Variants in PRKCH observed in about 807,000 individuals in gnomAD.
PRKCH encodes the protein protein kinase C eta, also known as protein kinase C eta type.
In PRKCH, 28 loss-of-function variants were observed where a neutral mutation model predicts 82.5. The observed-to-expected ratio is 0.34, with a 90% CI of 0.25 to 0.47. The LOEUF is 0.47. PRKCH is among the 20% of genes least tolerant of loss of function. The pLI, the probability that PRKCH is intolerant of heterozygous loss-of-function variation, is 1.00. For missense variants in PRKCH, 705 were observed against 881.8 expected, an observed-to-expected ratio of 0.80 and a Z score of 2.54; for synonymous variants, 322 against 327.4, an observed-to-expected ratio of 0.98 and a Z score of 0.18.
intron 2 of PRKCH, among the ~76,000 whole-genome samples, chr14:61,407,474 T>C (rs1046209383): frequency 6.6e-6 from 1 of 152,142 alleles, no homozygotes; most frequent in Non-Finnish European, 1.5e-5. Flanking sequence ...GGGAACTGTA[T>C]TGATTTCCTT....
intron 2 of PRKCH, among the ~76,000 whole-genome samples, chr14:61,408,320 G>T (rs1378968146): frequency 6.6e-6 from 1 of 152,114 alleles, no homozygotes; most frequent in South Asian, 2.1e-4. Flanking sequence ...GTTTGGATCA[G>T]AAGATTAGCC....
rs746909175 is a variant in PRKCH at position 61,530,393 on chromosome 14, C to T, written c.1573-14C>T. 1.3e-6 allele frequency: 2 copies of T among 1,516,782 alleles called. No homozygotes were observed. Among genetic ancestry groups the T allele is most frequent in the South Asian group, 1.3e-5 (1 of 74,914 alleles). The allele number at this position is 1,516,782 out of a possible 1,614,324, so 94.0% of individuals were successfully genotyped here. A position where few individuals can be genotyped will look rare whatever the true frequency, so the allele number is the denominator to read the frequency against. On this transcript the variant is annotated splice_polypyrimidine_tract_variant and intron_variant, in intron 11 of 13. Coordinates refer to ENST00000332981, the MANE Select transcript of PRKCH (RefSeq NM_006255.5). ...ATGTATGAACCACCTTCTCACGCTG[C>T]CCCCTTTGCACAGATCCTCCAGGAA...
intron 10 of PRKCH, among the ~76,000 whole-genome samples, chr14:61,498,604 A>G (rs1050906471): frequency 6.6e-5 from 10 of 152,078 alleles, no homozygotes; most frequent in African/African-American, 1.9e-4. Context: ...GTGCTGGCCA[A>G]TTTGGTTCCT....
At chr14:61,417,507 T>A (rs1395139037) in intron 2 of PRKCH, among the ~76,000 whole-genome samples, 1 of 152,256 alleles carries the variant, frequency 6.6e-6, no homozygotes, top group Non-Finnish European at 1.5e-5. Context: ...TTGTACTTTG[T>A]GTCTCTTTTG....
chr14:61,379,911 C>T (rs1312554211), intron 1 of PRKCH, among the ~76,000 whole-genome samples: 1 of 152,150 alleles, frequency 6.6e-6, no homozygotes, highest in African/African-American at 2.4e-5. Flanking sequence ...TGTGTTCTTT[C>T]ATGTAGGGGA....
At chr14:61,239,589 G>A (rs751223114) in intron 1 of PRKCH, among the ~76,000 whole-genome samples, 11 of 152,166 alleles carry the variant, frequency 7.2e-5, no homozygotes, top group East Asian at 1.9e-4. Context: ...GTGCTCTTGC[G>A]CCTTGGGACT....
At chr14:61,494,430 A>G (rs146341374) in intron 10 of PRKCH, among the ~76,000 whole-genome samples, 271 of 152,380 alleles carry the variant, frequency 1.8e-3, no homozygotes, top group Admixed American at 3.9e-3. Context: ...GTGTGACGCT[A>G]CATATATTCT....
At chr14:61,358,668 A>G (rs997570894) in intron 1 of PRKCH, among the ~76,000 whole-genome samples, 2 of 152,090 alleles carry the variant, frequency 1.3e-5, no homozygotes, top group African/African-American at 2.4e-5. Flanking sequence ...ATGCTCCATT[A>G]TATGCAAATC....
intron 2 of PRKCH, among the ~76,000 whole-genome samples, chr14:61,411,071 TG>T (rs1882244016): frequency 6.6e-6 from 1 of 152,184 alleles, no homozygotes; most frequent in African/African-American, 2.4e-5. Flanking sequence ...CTGGGGAAAG[TG>T]GATCAGAGCT....
intron 7 of PRKCH, among the ~76,000 whole-genome samples, chr14:61,453,966 G>A (rs892860404): frequency 6.6e-6 from 1 of 151,928 alleles, no homozygotes; most frequent in African/African-American, 2.4e-5. Context: ...GGCTGAAATA[G>A]CATTTTTAAT....
chr14:61,197,902 A>G (rs956472422), intron 1 of PRKCH, among the ~76,000 whole-genome samples: 29 of 152,244 alleles, frequency 1.9e-4, no homozygotes, highest in African/African-American at 6.0e-4. Flanking sequence ...TAATTCTCAT[A>G]TATTCCCATG....
chr14:61,437,057 T>G (rs1430013813), intron 2 of PRKCH, among the ~76,000 whole-genome samples: 2 of 152,240 alleles, frequency 1.3e-5, no homozygotes, highest in African/African-American at 4.8e-5. Context: ...TGGTGGGGTG[T>G]GCTTGTTGTA....
At chr14:61,489,627 T>A (rs1886374464) in intron 10 of PRKCH, among the ~76,000 whole-genome samples, 1 of 151,922 alleles carries the variant, frequency 6.6e-6, no homozygotes, top group Non-Finnish European at 1.5e-5. Flanking sequence ...CCAAGAAGAG[T>A]AGGCTGGGAA....
intron 1 of PRKCH, among the ~76,000 whole-genome samples, chr14:61,276,139 C>T (rs975170417): frequency 6.6e-6 from 1 of 152,062 alleles, no homozygotes; most frequent in African/African-American, 2.4e-5. Flanking sequence ...CCTTAATGTA[C>T]TTCAGGTTCA....
chr14:61,481,880 A>G (rs530293817), intron 9 of PRKCH, among the ~76,000 whole-genome samples: 5 of 152,130 alleles, frequency 3.3e-5, no homozygotes, highest in African/African-American at 1.2e-4. Context: ...CACTTACTGC[A>G]CACTTGCCCG....
chr14:61,201,402 A>C (rs1344707779), intron 1 of PRKCH, among the ~76,000 whole-genome samples: 1 of 152,178 alleles, frequency 6.6e-6, no homozygotes, highest in Non-Finnish European at 1.5e-5. Context: ...TCTATGATAT[A>C]TTGCTTCTGG....
intron 1 of PRKCH, among the ~76,000 whole-genome samples, chr14:61,341,107 C>G (rs1052668595): frequency 1.3e-5 from 2 of 152,216 alleles, no homozygotes; most frequent in African/African-American, 4.8e-5. Flanking sequence ...CCTAACCTCC[C>G]TCCTGCCAGA....
At chr14:61,390,930 C>G (rs1398120872) in intron 1 of PRKCH, 1 of 283,808 alleles carries the variant, frequency 3.5e-6, no homozygotes, top group Non-Finnish European at 6.5e-6. Context: ...ATATGGAGGT[C>G]TCAAAAACAA....
intron 9 of PRKCH, among the ~76,000 whole-genome samples, chr14:61,465,809 A>T (rs1594737330): frequency 3.9e-5 from 6 of 152,346 alleles, no homozygotes; most frequent in Admixed American, 3.9e-4. Flanking sequence ...CAGTCAAGAG[A>T]TAATTTTATG....
Sources: gnomAD v4.1 joint callset for allele counts (sites outside exome capture counted in the v4.1 genomes callset) on GRCh38, gnomAD v4.1.1 for gene constraint, MANE v1.5 for transcripts, NCBI Gene and HGNC (gene_info 2026-07-23, HGNC 2026-07-21) for gene names.